RAB27A: variants seen among roughly 807,000 people sequenced by gnomAD.
RAB27A encodes ras-related protein Rab-27A.
RAB27A carries 17 observed loss-of-function variants against 20.8 expected under a neutral mutation model. That is an observed-to-expected ratio of 0.82 (90% confidence interval 0.56 to 1.23). The LOEUF is 1.23. RAB27A is among the 50% of genes most tolerant of loss of function. The probability of loss-of-function intolerance (pLI) is 0.00; values close to 1 mark genes in which losing one functional copy is unlikely to be tolerated. For synonymous variants in RAB27A, 85 were observed against 92.8 expected (o/e 0.92, Z 0.48); for missense variants, 277 against 266.7 (o/e 1.04, Z -0.27).
chr15:55,231,153 C>A (rs965328778), intron 3 of RAB27A, among the ~76,000 whole-genome samples: 2 of 152,170 alleles, frequency 1.3e-5, no homozygotes, highest in African/African-American at 4.8e-5. Flanking sequence ...CATAATTTCA[C>A]TTTTTTATGG....
At position 55,228,578 on chromosome 15, in the gene RAB27A, T is replaced by C. The variant is rs543691552; in HGVS notation, c.343+31A>G. On this transcript the variant is annotated intron_variant, in intron 5 of 6. Coordinates refer to ENST00000336787, the MANE Select transcript of RAB27A (RefSeq NM_183235.3). ...ATTCTATAAATAAGAGGGGACTGTG[T>C]AGCAGGACACTGGGGAACAATAACA... The C allele has an allele frequency of 6.1e-6, 9 of 1,474,132 alleles. No individual in the cohort carries two copies. In the South Asian group the frequency reaches 1.0e-4, roughly 17 times the overall value. The allele number at this position is 1,474,132 out of a possible 1,614,324, so 91.3% of individuals were successfully genotyped here.
intron 6 of RAB27A, among the ~76,000 whole-genome samples, chr15:55,206,482 C>T (rs1339253657): frequency 1.3e-5 from 2 of 152,038 alleles, no homozygotes. Context: ...GCTGGGACCA[C>T]AGGCGCACAC....
In RAB27A at chr15:55,205,397, A is replaced by T; in HGVS notation, c.*110T>A. 1 of 1,148,628 alleles carries T rather than the reference A, an allele frequency of 8.7e-7. No individual in the cohort carries two copies. The highest frequency in any genetic ancestry group is 1.3e-6 in the Non-Finnish European group (1 of 759,096). The allele number at this position is 1,148,628 out of a possible 1,614,324, so 71.2% of individuals were successfully genotyped here. A position where few individuals can be genotyped will look rare whatever the true frequency, so the allele number is the denominator to read the frequency against. On this transcript the variant is annotated 3_prime_UTR_variant, in exon 7 of 7. Coordinates refer to ENST00000336787, the MANE Select transcript of RAB27A (RefSeq NM_183235.3). Reference sequence around the variant, plus strand: ...ATTCGTAGGTCTAATGGGGATGGTGAGAAGCAATTTGTACACAATGCCCAT... The same window carrying T: ...ATTCGTAGGTCTAATGGGGATGGTGTGAAGCAATTTGTACACAATGCCCAT...
chr15:55,279,169 T>C (rs986755035), intron 1 of RAB27A, among the ~76,000 whole-genome samples: 3 of 152,122 alleles, frequency 2.0e-5, no homozygotes, highest in Admixed American at 6.5e-5. Flanking sequence ...CAGATAAGAC[T>C]CTTAATAAAG....
chr15:55,307,225 A>C (rs2055000592), intron 2 of RAB27A, among the ~76,000 whole-genome samples: 1 of 151,736 alleles, frequency 6.6e-6, no homozygotes, highest in African/African-American at 2.4e-5. Flanking sequence ...GAACTTGTTG[A>C]TATTTGGCTA....
intron 2 of RAB27A, among the ~76,000 whole-genome samples, chr15:55,262,221 C>T (rs1049317101): frequency 6.6e-6 from 1 of 151,964 alleles, no homozygotes; most frequent in Non-Finnish European, 1.5e-5. Flanking sequence ...ATTACTTCTT[C>T]CTTTCTAATC....
In RAB27A at chr15:55,203,059, A is replaced by C. The variant is rs1049591315; in HGVS notation, c.*2448T>G. 1.2e-4 allele frequency: 19 copies of C among 152,240 alleles called. No homozygotes were observed. The highest frequency in any genetic ancestry group is 3.9e-4 in the African/African-American group (16 of 41,460). The allele number at this position is 152,240 out of a possible 1,614,324, so 9.4% of individuals were successfully genotyped here. ...TTTTACATAGGCTTGTAAATAGAAA[A>C]ATACATTGATGCACAAAAAATATAG... On this transcript the variant is annotated 3_prime_UTR_variant, in exon 7 of 7. Transcript: ENST00000336787.
At chr15:55,286,215 A>C (rs1018961593) in intron 1 of RAB27A, among the ~76,000 whole-genome samples, 1 of 152,170 alleles carries the variant, frequency 6.6e-6, no homozygotes, top group Admixed American at 6.5e-5. Flanking sequence ...AATGATCCCT[A>C]TTGCTCTGTC....
At chr15:55,311,059 A>G (rs2055018362) in intron 2 of RAB27A, among the ~76,000 whole-genome samples, 1 of 152,064 alleles carries the variant, frequency 6.6e-6, no homozygotes, top group South Asian at 2.1e-4. Context: ...GAGGGTCTAC[A>G]CTGGGAACTG....
chr15:55,280,007 G>A (rs1462343118), intron 1 of RAB27A, among the ~76,000 whole-genome samples: 1 of 152,178 alleles, frequency 6.6e-6, no homozygotes, highest in Admixed American at 6.5e-5. Flanking sequence ...TAGGTCTGGA[G>A]TGGGGCTGAA....
upstream of RAB27A, chr15:55,290,093 GAC>G (rs1288322896): frequency 6.6e-6 from 1 of 152,358 alleles, no homozygotes; most frequent in East Asian, 1.9e-4. Context: ...ACACAGGAGG[GAC>G]ATTTACAAAC....
intron 2 of RAB27A, among the ~76,000 whole-genome samples, chr15:55,297,221 C>G (rs114768078): frequency 1.8e-3 from 275 of 152,320 alleles, no homozygotes; most frequent in African/African-American, 6.5e-3. Flanking sequence ...ATCATCTTAT[C>G]TGAATTGCTG....
Position 55,209,880 on chromosome 15 carries a change from G to A in RAB27A, c.468-4175C>T, listed in dbSNP as rs1595668396. On this transcript the variant is annotated intron_variant, in intron 6 of 6. Coordinates refer to ENST00000336787, the MANE Select transcript of RAB27A (RefSeq NM_183235.3). ...TGTATATACATATATACATATATGT[G>A]TGTGTATACATATATACACATATGT... 1.4e-4 allele frequency among the ~76,000 whole-genome samples: 15 copies of A among 106,780 alleles called. 1 individual carries two copies. The highest frequency in any genetic ancestry group is 8.1e-4 in the South Asian group (3 of 3,712). 70.1% of individuals were successfully genotyped at this position (106,780 alleles called of 152,430 possible). A position where few individuals can be genotyped will look rare whatever the true frequency, so the allele number is the denominator to read the frequency against.
chr15:55,215,085 G>A (rs910583235), intron 6 of RAB27A, among the ~76,000 whole-genome samples: 2 of 152,076 alleles, frequency 1.3e-5, no homozygotes, highest in African/African-American at 4.8e-5. Flanking sequence ...GAATAAATTG[G>A]AAATTTCTTA....
intron 2 of RAB27A, among the ~76,000 whole-genome samples, chr15:55,236,776 A>C (rs1222165937): frequency 6.6e-6 from 1 of 152,176 alleles, no homozygotes; most frequent in East Asian, 1.9e-4. Context: ...TGTTACATGC[A>C]TAGAATGTAA....
chr15:55,211,958 CTT>C (rs539618132), intron 6 of RAB27A, among the ~76,000 whole-genome samples: 15,046 of 124,160 alleles, frequency 0.12, 806 homozygotes, highest in South Asian at 0.17. Context: ...GGACTATAAC[CTT>C]TTTTTTTTTT....
At position 55,204,345 on chromosome 15, in the gene RAB27A, C is replaced by T. The variant is rs1052164754; in HGVS notation, c.*1162G>A. On this transcript the variant is annotated 3_prime_UTR_variant, in exon 7 of 7. Transcript: ENST00000336787. The stretch of plus-strand genomic sequence containing the variant: ...CAAGACCCAGCAAGTACAGTAAATG[C>T]TCATGAGCTCTATGAAAAATATAGG... 2 of 152,162 alleles carry T rather than the reference C, an allele frequency of 1.3e-5. No individual in the cohort carries two copies. The highest frequency in any genetic ancestry group is 2.9e-5 in the Non-Finnish European group (2 of 68,036). 9.4% of individuals were successfully genotyped at this position (152,162 alleles called of 1,614,324 possible).
intron 2 of RAB27A, among the ~76,000 whole-genome samples, chr15:55,248,450 G>A (rs1182623066): frequency 6.6e-6 from 1 of 152,106 alleles, no homozygotes; most frequent in Non-Finnish European, 1.5e-5. Context: ...TCAACTTCAA[G>A]GTGTTCAACC....
chr15:55,214,672 A>G (rs914492957), intron 6 of RAB27A, among the ~76,000 whole-genome samples: 21 of 152,146 alleles, frequency 1.4e-4, no homozygotes, highest in African/African-American at 5.1e-4. Context: ...AGTTACTGTC[A>G]ATCTTTTTTC....
Sources: allele counts gnomAD v4.1 joint callset (sites outside exome capture counted in the v4.1 genomes callset), GRCh38; gene constraint gnomAD v4.1.1; transcripts MANE v1.5; gene names NCBI Gene and HGNC (gene_info 2026-07-23, HGNC 2026-07-21).